Variants in PLCE1 observed in about 807,000 individuals in gnomAD.
PLCE1 encodes the protein phospholipase C epsilon 1, also known as 1-phosphatidylinositol 4,5-bisphosphate phosphodiesterase epsilon-1.
PLCE1 carries 119 observed loss-of-function variants against 242.8 expected under a neutral mutation model. The observed-to-expected ratio is 0.49, with a 90% CI of 0.42 to 0.57. The LOEUF is 0.57. PLCE1 is among the 20% of genes least tolerant of loss of function. The pLI is 0.00. For missense variants in PLCE1, 2,441 were observed against 2,788.8 expected (o/e 0.88, Z 2.81); for synonymous variants, 945 against 1,017.4 (o/e 0.93, Z 1.35).
chr10:94,044,999 T>G (rs979305720), intron 2 of PLCE1, among the ~76,000 whole-genome samples: 1 of 152,122 alleles, frequency 6.6e-6, no homozygotes, highest in African/African-American at 2.4e-5. Context: ...TAAAAATTTT[T>G]TATTATTATT....
chr10:94,272,262 T>A (rs1201937516), intron 18 of PLCE1, among the ~76,000 whole-genome samples: 1 of 152,174 alleles, frequency 6.6e-6, no homozygotes, highest in East Asian at 1.9e-4. Flanking sequence ...CCCCCAGGAA[T>A]GCAATTCTTT....
intron 1 of PLCE1, among the ~76,000 whole-genome samples, chr10:94,001,661 C>T (rs932360285): frequency 6.6e-6 from 1 of 152,200 alleles, no homozygotes; most frequent in Non-Finnish European, 1.5e-5. Context: ...TATCACATAA[C>T]ATGGCTTAAT....
chr10:94,137,252 T>C (rs993876542), intron 3 of PLCE1, among the ~76,000 whole-genome samples: 2 of 152,178 alleles, frequency 1.3e-5, no homozygotes, highest in Non-Finnish European at 2.9e-5. Context: ...CCATTAATCT[T>C]GTTAGAATCT....
chr10:94,120,835 G>A (rs1428637507), intron 2 of PLCE1: 1 of 152,360 alleles, frequency 6.6e-6, no homozygotes, highest in Non-Finnish European at 1.5e-5. Context: ...AGGAAGATCA[G>A]GACAGAGCAA....
intron 13 of PLCE1, among the ~76,000 whole-genome samples, chr10:94,261,958 A>G (rs1208968739): frequency 1.3e-5 from 2 of 151,460 alleles, no homozygotes. Flanking sequence ...ATGTAATACC[A>G]CATGGGATAT....
At chr10:93,994,760 T>A (rs1360819553) in intron 1 of PLCE1, among the ~76,000 whole-genome samples, 4 of 152,238 alleles carry the variant, frequency 2.6e-5, no homozygotes, top group African/African-American at 9.6e-5. Flanking sequence ...TCTTCTGTCG[T>A]GGCGAATGTT....
Position 94,310,243 on chromosome 10 carries a change from C to G in PLCE1, c.6003+1544C>G, listed in dbSNP as rs993808769. ...ATGGCACTGGCCATGATGGCTTCCA[C>G]TGCCACTTTCTGCTTTCTTTTCTGC... On this transcript the variant is annotated intron_variant, in intron 27 of 32. Transcript: ENST00000371380. Among the ~76,000 whole-genome samples, 3 of 152,226 alleles carry G rather than the reference C, an allele frequency of 2.0e-5. No individual in the cohort carries two copies. The East Asian group carries it at 5.8e-4, about 29-fold the overall frequency.
chr10:94,327,215 G>A (rs573066964), intron 32 of PLCE1, among the ~76,000 whole-genome samples: 1 of 152,268 alleles, frequency 6.6e-6, no homozygotes. Flanking sequence ...TATGTGAATT[G>A]ACATCCCATG....
intron 19 of PLCE1, chr10:94,279,456 C>G: frequency 5.3e-6 from 2 of 376,968 alleles, no homozygotes; most frequent in South Asian, 2.9e-5. Flanking sequence ...CTTCTTCAGT[C>G]ACTTGGGATT....
chr10:94,120,371 C>T (rs2135757903), intron 2 of PLCE1, among the ~76,000 whole-genome samples: 1 of 152,274 alleles, frequency 6.6e-6, no homozygotes, highest in South Asian at 2.1e-4. Flanking sequence ...GTCTTATTGG[C>T]AGGCATGAGG....
chr10:94,045,346 G>C (rs1456999136), intron 2 of PLCE1, among the ~76,000 whole-genome samples: 1 of 151,992 alleles, frequency 6.6e-6, no homozygotes, highest in Non-Finnish European at 1.5e-5. Context: ...TTGTTGCCCA[G>C]GTTTGTCTCA....
chr10:94,147,402 A>G (rs931670595), intron 3 of PLCE1, among the ~76,000 whole-genome samples: 2 of 152,070 alleles, frequency 1.3e-5, no homozygotes, highest in African/African-American at 4.8e-5. Flanking sequence ...AGCCTAGGCA[A>G]CAGAGGGAGA....
chr10:94,302,976 AT>A (rs1199114395), intron 24 of PLCE1, among the ~76,000 whole-genome samples: 1 of 152,112 alleles, frequency 6.6e-6, no homozygotes, highest in Non-Finnish European at 1.5e-5. Flanking sequence ...TGAGAAGAGA[AT>A]TTTCTCCCAA....
chr10:94,106,353 C>G (rs2045733725), intron 2 of PLCE1, among the ~76,000 whole-genome samples: 1 of 152,174 alleles, frequency 6.6e-6, no homozygotes, highest in Non-Finnish European at 1.5e-5. Flanking sequence ...CTACACATAT[C>G]TCTTACATAT....
intron 2 of PLCE1, among the ~76,000 whole-genome samples, chr10:94,064,823 A>G (rs1451668751): frequency 6.6e-6 from 1 of 152,162 alleles, no homozygotes; most frequent in Non-Finnish European, 1.5e-5. Context: ...GCAGTAAGAA[A>G]CAGAGTAGCC....
chr10:94,256,060 C>T (rs1271300817), intron 11 of PLCE1, among the ~76,000 whole-genome samples: 1 of 151,332 alleles, frequency 6.6e-6, no homozygotes, highest in Non-Finnish European at 1.5e-5. Flanking sequence ...CACGGTGGCT[C>T]TCACATGTAA....
chr10:94,199,611 A>C (rs1312245357), intron 4 of PLCE1, among the ~76,000 whole-genome samples: 1 of 152,254 alleles, frequency 6.6e-6, no homozygotes, highest in East Asian at 1.9e-4. Flanking sequence ...AAAATAAGTT[A>C]TAACAAGTCT....
At chr10:94,249,646 A>T (rs2050806420) in intron 8 of PLCE1, among the ~76,000 whole-genome samples, 1 of 152,200 alleles carries the variant, frequency 6.6e-6, no homozygotes, top group African/African-American at 2.4e-5. Flanking sequence ...AGTACTACTG[A>T]TGGAAGTAGT....
At chr10:94,021,760 A>G (rs138893850) in intron 1 of PLCE1, among the ~76,000 whole-genome samples, 1 of 152,254 alleles carries the variant, frequency 6.6e-6, no homozygotes, top group Non-Finnish European at 1.5e-5. Context: ...GATTGTTTCA[A>G]TTTGAAAAAT....
Sources: allele counts gnomAD v4.1 joint callset (sites outside exome capture counted in the v4.1 genomes callset), GRCh38; gene constraint gnomAD v4.1.1; transcripts MANE v1.5; gene names NCBI Gene and HGNC (gene_info 2026-07-23, HGNC 2026-07-21).